AFG2B: variants seen among roughly 807,000 people sequenced by gnomAD.
AFG2B encodes AAA ATPase AFG2B, also known as ATPase family gene 2 protein homolog B.
the AFG2B span, among the ~76,000 whole-genome samples, chr15:45,411,193 G>C: frequency 1.3e-5 from 2 of 151,882 alleles, no homozygotes; most frequent in African/African-American, 4.8e-5. Flanking sequence ...CAGAGAAACC[G>C]TGTCCGGGGG....
At chr15:45,402,826 G>A in the AFG2B span, 2 of 1,597,860 alleles carry the variant, frequency 1.3e-6, no homozygotes, top group Non-Finnish European at 8.5e-7. Context: ...CGCGGTGCTG[G>A]AGGCGGCACA....
chr15:45,406,722 C>A, the AFG2B span, among the ~76,000 whole-genome samples: 9 of 152,222 alleles, frequency 5.9e-5, no homozygotes, highest in African/African-American at 2.2e-4. Context: ...TCAAAATTGT[C>A]TTTTCATCTT....
the AFG2B span, chr15:45,414,621 GAC>G: frequency 9.3e-6 from 15 of 1,614,038 alleles, no homozygotes; most frequent in African/African-American, 1.1e-4. Context: ...GAATGGGCCT[GAC>G]ACAACCAAAG....
At chr15:45,411,029 C>G in the AFG2B span, among the ~76,000 whole-genome samples, 6 of 152,224 alleles carry the variant, frequency 3.9e-5, no homozygotes, top group African/African-American at 1.4e-4. Flanking sequence ...TGGTGAAACC[C>G]CGTCTCTACT....
At chr15:45,402,380 C>A in the AFG2B span, 2 of 1,557,398 alleles carry the variant, frequency 1.3e-6, no homozygotes, top group Admixed American at 2.1e-5. Context: ...TTTTTGTGGG[C>A]CGGGTGGGTT....
chr15:45,418,464 G>A, the AFG2B span: 1 of 1,313,294 alleles, frequency 7.6e-7, no homozygotes, highest in Non-Finnish European at 1.0e-6. Flanking sequence ...TCGGTAATGT[G>A]AAAGGAAACT....
chr15:45,414,284 C>CT, the AFG2B span, among the ~76,000 whole-genome samples: 229 of 152,288 alleles, frequency 1.5e-3, 1 homozygote, highest in Non-Finnish European at 2.8e-3. Context: ...TGGGAACAAA[C>CT]TAAGTGTTTA....
At chr15:45,415,517 A>AT in the AFG2B span, 1 of 1,209,510 alleles carries the variant, frequency 8.3e-7, no homozygotes, top group East Asian at 2.6e-5. Context: ...AAAAAACAGG[A>AT]TTATAAATAG....
chr15:45,405,670 T>C, the AFG2B span, among the ~76,000 whole-genome samples: 2 of 152,182 alleles, frequency 1.3e-5, no homozygotes, highest in African/African-American at 2.4e-5. Context: ...TAGTATATGA[T>C]TGAGGGTGGG....
chr15:45,407,149 G>C, the AFG2B span: 1 of 1,285,234 alleles, frequency 7.8e-7, no homozygotes, highest in African/African-American at 1.5e-5. Flanking sequence ...ACAGGTGATG[G>C]CTGAGTTCAG....
chr15:45,412,330 GGCTGAGGTTGCAGTGA>G, the AFG2B span, among the ~76,000 whole-genome samples: 12 of 152,278 alleles, frequency 7.9e-5, no homozygotes, highest in South Asian at 2.1e-4. Context: ...CAACCTAAGA[GGCTGAGGTTGCAGTGA>G]GCTGAGGTTG....
At chr15:45,409,358 C>CA in the AFG2B span, among the ~76,000 whole-genome samples, 2 of 140,784 alleles carry the variant, frequency 1.4e-5, no homozygotes, top group South Asian at 4.4e-4. Flanking sequence ...ACCTGGGTGA[C>CA]AGAGTGAGAC....
the AFG2B span, chr15:45,418,446 A>G: frequency 1.1e-5 from 12 of 1,079,310 alleles, no homozygotes; most frequent in Non-Finnish European, 1.4e-5. Context: ...ACCCCTATAT[A>G]TATTTTCTCG....
chr15:45,407,536 G>A, the AFG2B span, among the ~76,000 whole-genome samples: 2 of 152,142 alleles, frequency 1.3e-5, no homozygotes, highest in African/African-American at 2.4e-5. Context: ...CTATCAGCCA[G>A]TTAAAAAGGC....
chr15:45,414,610 A>T, the AFG2B span: 1 of 1,614,206 alleles, frequency 6.2e-7, no homozygotes, highest in East Asian at 2.2e-5. Context: ...GGAATTTGTT[A>T]GAATGGGCCT....
the AFG2B span, chr15:45,417,350 G>A: frequency 7.4e-6 from 12 of 1,613,968 alleles, no homozygotes; most frequent in East Asian, 2.2e-5. Flanking sequence ...GCTTTGTTAC[G>A]ACCTGGAAGA....
the AFG2B span, chr15:45,417,190 T>C: frequency 1.0e-4 from 158 of 1,536,284 alleles, no homozygotes; most frequent in African/African-American, 2.0e-3. Flanking sequence ...TGAATTTAAA[T>C]AGACCTTCTG....
chr15:45,409,643 T>G, the AFG2B span, among the ~76,000 whole-genome samples: 1 of 152,058 alleles, frequency 6.6e-6, no homozygotes, highest in East Asian at 1.9e-4. Flanking sequence ...GGAGGATCGC[T>G]CGAGCCCATG....
At chr15:45,403,493 G>A in the AFG2B span, 2 of 1,605,628 alleles carry the variant, frequency 1.2e-6, no homozygotes, top group Non-Finnish European at 1.7e-6. Flanking sequence ...CCAGCGCTGC[G>A]TAGGCCCGGG....
Sources: gnomAD v4.1 joint callset for allele counts (sites outside exome capture counted in the v4.1 genomes callset) on GRCh38, gnomAD v4.1.1 for gene constraint, MANE v1.5 for transcripts, NCBI Gene and HGNC (gene_info 2026-07-23, HGNC 2026-07-21) for gene names.